Variants in SLC9A8 observed in about 807,000 individuals in gnomAD.
SLC9A8 encodes sodium/hydrogen exchanger 8.
A neutral mutation model predicts 66.6 loss-of-function variants in SLC9A8; 48 were observed. The observed-to-expected ratio is 0.72, with a 90% CI of 0.57 to 0.92. The LOEUF is 0.92. Ranked by LOEUF, SLC9A8 falls within the 40% of genes least tolerant of loss-of-function variation. The pLI, the probability that SLC9A8 is intolerant of heterozygous loss-of-function variation, is 0.00. For missense variants in SLC9A8, 599 were observed against 747.3 expected (o/e 0.80, Z 2.31); for synonymous variants, 274 against 282.6 (o/e 0.97, Z 0.31).
chr20:49,884,830 T>C (rs2089831551), intron 14 of SLC9A8, among the ~76,000 whole-genome samples: 2 of 152,180 alleles, frequency 1.3e-5, no homozygotes, highest in African/African-American at 4.8e-5. Flanking sequence ...GTCTTCACCC[T>C]CAGGACCCCT....
At chr20:49,815,305 A>G (rs2086508993) in intron 2 of SLC9A8, 116 bp downstream of exon 2, 2 of 799,178 alleles carry the variant, frequency 2.5e-6, no homozygotes, top group Non-Finnish European at 3.7e-6. Flanking sequence ...TTTGGTTTTC[A>G]TATCAAACAC....
intron 2 of SLC9A8, among the ~76,000 whole-genome samples, chr20:49,817,934 A>C (rs1371133140): frequency 1.3e-5 from 2 of 152,198 alleles, no homozygotes; most frequent in Admixed American, 6.5e-5. Context: ...AGAAATCTTT[A>C]GTAGCTGAAG....
intron 1 of SLC9A8, among the ~76,000 whole-genome samples, chr20:49,813,951 CAG>C (rs2086454355): frequency 6.6e-6 from 1 of 152,162 alleles, no homozygotes; most frequent in African/African-American, 2.4e-5. Context: ...ACCTGCAGGG[CAG>C]AGTCTGTTGC....
intron 7 of SLC9A8, among the ~76,000 whole-genome samples, chr20:49,854,808 G>A (rs1334325553): frequency 2.0e-5 from 3 of 152,132 alleles, no homozygotes; most frequent in Admixed American, 6.5e-5. Flanking sequence ...GAACAGTGCC[G>A]GCCATGGTAG....
Position 49,886,911 on chromosome 20 carries a change from C to T in SLC9A8, c.1638+13C>T. 1.2e-6 allele frequency: 2 copies of T among 1,610,382 alleles called. No homozygotes were observed. Among genetic ancestry groups the T allele is most frequent in the Non-Finnish European group, 1.7e-6 (2 of 1,177,742 alleles). On this transcript the variant is annotated intron_variant, in intron 15 of 15. Coordinates refer to ENST00000361573, the MANE Select transcript of SLC9A8 (RefSeq NM_015266.3). This position sits in a 1 kb window ranked among gnomAD's most constrained non-coding sequence, Gnocchi z 4.8. ...GCTGACGCAGGAGGTGGGATACCGG[C>T]CAGGCCACACTTTCTGGGGGTCCCT... is the stretch of plus-strand genomic sequence containing the variant.
chr20:49,879,538 C>G (rs1304292197), intron 12 of SLC9A8, among the ~76,000 whole-genome samples: 1 of 152,232 alleles, frequency 6.6e-6, no homozygotes, highest in African/African-American at 2.4e-5. Flanking sequence ...GAAACATTTA[C>G]TCTTGGCCAG....
chr20:49,831,540 A>G (rs1035687535), intron 3 of SLC9A8, among the ~76,000 whole-genome samples: 10 of 152,132 alleles, frequency 6.6e-5, no homozygotes, highest in Admixed American at 6.5e-4. Flanking sequence ...TCAAGGAACT[A>G]GAATCAGCAA....
intron 7 of SLC9A8, among the ~76,000 whole-genome samples, chr20:49,854,030 C>G (rs986800659): frequency 6.6e-6 from 1 of 152,220 alleles, no homozygotes; most frequent in Non-Finnish European, 1.5e-5. Flanking sequence ...CCCCTAGACC[C>G]AGGCTTGGTG....
rs367591345 is a variant in SLC9A8, at chr20:49,862,968, C to T, written c.753C>T (p.Val251=). The change falls in exon 9 of 16, where the codon GTC becomes GTT. Residue 251 remains valine (V), a synonymous_variant. Transcript: ENST00000361573. ...TAACAAGAAAAAATATGTCAGATGT[C>T]AGTGGGTGGCAAACATTTTTACAAG... The part of the protein sequence containing the change: ...EGLTRKNMSD[V]SGWQTFLQAL... 6.2e-7 allele frequency: 1 copy of T among 1,613,546 alleles called. No homozygotes were observed. The highest frequency in any genetic ancestry group is 8.5e-7 in the Non-Finnish European group (1 of 1,179,476).
At chr20:49,866,668 A>G (rs927962556) in intron 10 of SLC9A8, among the ~76,000 whole-genome samples, 2 of 152,074 alleles carry the variant, frequency 1.3e-5, no homozygotes, top group Non-Finnish European at 2.9e-5. Context: ...GCTTTCATCA[A>G]ATTTGGTAAG....
chr20:49,856,548 G>A (rs563184699), intron 8 of SLC9A8, among the ~76,000 whole-genome samples: 4 of 152,334 alleles, frequency 2.6e-5, no homozygotes, highest in South Asian at 2.1e-4. Flanking sequence ...GGGGCCAGGC[G>A]CAGTGGCTCA....
intron 14 of SLC9A8, among the ~76,000 whole-genome samples, chr20:49,884,427 C>G (rs1005731292): frequency 4.6e-5 from 7 of 151,898 alleles, no homozygotes; most frequent in Non-Finnish European, 8.8e-5. Context: ...GCCTTGTGAC[C>G]TGCCGCAGCC....
At chr20:49,817,405 C>G (rs1183297569) in intron 2 of SLC9A8, among the ~76,000 whole-genome samples, 1 of 150,400 alleles carries the variant, frequency 6.6e-6, no homozygotes, top group African/African-American at 2.4e-5. Flanking sequence ...ATACCAAAGT[C>G]ATACTCCTAA....
At position 49,855,435 on chromosome 20, in the gene SLC9A8, C is replaced by CAGTT; in HGVS notation, c.570-2_571dup. On this transcript the variant is annotated splice_region_variant and splice_polypyrimidine_tract_variant and intron_variant, in intron 7 of 15. Transcript: ENST00000361573. ...AATCTCCCCTTCCCTCTGTCTCTTA[C>CAGTT]AGTTTTGCGTTTGGCTCCCTAATAT... The CAGTT allele has an allele frequency of 6.2e-7, 1 of 1,613,916 alleles. No homozygotes were observed. Among genetic ancestry groups the CAGTT allele is most frequent in the South Asian group, 1.1e-5 (1 of 91,068 alleles).
chr20:49,874,261 C>CA (rs2089333594), intron 10 of SLC9A8, among the ~76,000 whole-genome samples: 1 of 151,672 alleles, frequency 6.6e-6, no homozygotes, highest in African/African-American at 2.4e-5. Flanking sequence ...TCTGTCCCCC[C>CA]CCCAAAAAAA....
rs75525560 is a variant in SLC9A8 at position 49,878,104 on chromosome 20, T to C, written c.1158+41T>C. On this transcript the variant is annotated intron_variant, in intron 12 of 15. Transcript: ENST00000361573. ...TTTTTTTTTAAATTTAATTACTTAT[T>C]TGTAGATCAATAAACACATGTTCCG... 6 of 1,282,038 alleles carry C rather than the reference T, an allele frequency of 4.7e-6. No individual in the cohort carries two copies. In the African/African-American group the frequency reaches 7.6e-5, roughly 16 times the overall value. 79.4% of individuals were successfully genotyped at this position (1,282,038 alleles called of 1,614,324 possible). A position where few individuals can be genotyped will look rare whatever the true frequency, so the allele number is the denominator to read the frequency against.
chr20:49,847,907 GTT>G (rs3091810), intron 5 of SLC9A8, among the ~76,000 whole-genome samples: 1 of 115,186 alleles, frequency 8.7e-6, no homozygotes, highest in Non-Finnish European at 1.7e-5. Flanking sequence ...TGATTAATCT[GTT>G]TTTTTTTTTT....
At chr20:49,850,935 A>G (rs1366894549) in intron 7 of SLC9A8, 91 bp downstream of exon 7, 15 of 829,812 alleles carry the variant, frequency 1.8e-5, no homozygotes, top group South Asian at 1.3e-4. Flanking sequence ...GTACTGTTCT[A>G]TTCTCTCTCT....
chr20:49,814,867 A>C, intron 1 of SLC9A8, 141 bp from the exon 2 acceptor site: 2 of 578,186 alleles, frequency 3.5e-6, no homozygotes, highest in Non-Finnish European at 5.5e-6. Context: ...TTTCTTAGTA[A>C]GTTTCTCTCG....
Sources: allele counts gnomAD v4.1 joint callset (sites outside exome capture counted in the v4.1 genomes callset), GRCh38; gene constraint gnomAD v4.1.1; non-coding constraint Gnocchi (gnomAD v3.1); transcripts MANE v1.5; gene names NCBI Gene and HGNC (gene_info 2026-07-23, HGNC 2026-07-21).